TBC1D4: variants seen among roughly 807,000 people sequenced by gnomAD.
TBC1D4 encodes TBC (Tre-2, BUB2, CDC16) domain-containing protein.
Under a neutral mutation model 142.5 loss-of-function variants are expected in TBC1D4, and 121 were observed. The observed-to-expected ratio is 0.85, with a 90% CI of 0.73 to 0.99. The LOEUF is 0.99. TBC1D4 is among the 50% of genes least tolerant of loss of function. The pLI, the probability that TBC1D4 is intolerant of heterozygous loss-of-function variation, is 0.00. For missense variants in TBC1D4, 1,475 were observed against 1,606.6 expected (o/e 0.92, Z 1.40); for synonymous variants, 630 against 628.2 (o/e 1.00, Z -0.04).
At chr13:75,335,702 T>C (rs1431504591) in intron 8 of TBC1D4, among the ~76,000 whole-genome samples, 1 of 152,012 alleles carries the variant, frequency 6.6e-6, no homozygotes, top group African/African-American at 2.4e-5. Flanking sequence ...CACCTCCTCA[T>C]TCTCTCTCTC....
chr13:75,457,085 T>C (rs1281666791), intron 1 of TBC1D4, among the ~76,000 whole-genome samples: 2 of 152,014 alleles, frequency 1.3e-5, no homozygotes, highest in East Asian at 3.9e-4. Context: ...GCAAAAGTCA[T>C]CTATGATGAC....
chr13:75,359,661 A>T, intron 3 of TBC1D4, 108 bp downstream of exon 3: 1 of 897,574 alleles, frequency 1.1e-6, no homozygotes, highest in Non-Finnish European at 1.7e-6. Flanking sequence ...TAAAAATTTA[A>T]ATTTCAAAAA....
At chr13:75,372,848 A>T (rs1883294502) in intron 1 of TBC1D4, among the ~76,000 whole-genome samples, 1 of 152,206 alleles carries the variant, frequency 6.6e-6, no homozygotes, top group South Asian at 2.1e-4. Flanking sequence ...GACTGAAAAA[A>T]TTTGAATACA....
At chr13:75,377,098 C>T (rs2138236484) in intron 1 of TBC1D4, among the ~76,000 whole-genome samples, 1 of 152,294 alleles carries the variant, frequency 6.6e-6, no homozygotes, top group East Asian at 1.9e-4. Context: ...AAAGTGTGAA[C>T]ATCAAGTCTT....
chr13:75,427,177 T>G (rs1886409991), intron 1 of TBC1D4, among the ~76,000 whole-genome samples: 1 of 151,748 alleles, frequency 6.6e-6, no homozygotes, highest in Middle Eastern at 3.4e-3. Context: ...AAGCTCCGCC[T>G]CCCAGGTTCA....
chr13:75,332,735 G>A (rs768315244), intron 8 of TBC1D4, among the ~76,000 whole-genome samples: 1 of 152,188 alleles, frequency 6.6e-6, no homozygotes, highest in Non-Finnish European at 1.5e-5. Context: ...TCTTTTCTGA[G>A]ATTCAGTTTT....
Position 75,356,137 on chromosome 13 carries a change from C to T in TBC1D4, c.1275+10G>A, listed in dbSNP as rs1410325473. Reference sequence around the variant, plus strand: ...CGCAGGAGCAGGCAGACAGCAATAACACTACTTACCAGAGATTCGCTGGCA... The same window carrying T: ...CGCAGGAGCAGGCAGACAGCAATAATACTACTTACCAGAGATTCGCTGGCA... On this transcript the variant is annotated intron_variant, in intron 4 of 20. Coordinates refer to ENST00000377636, the MANE Select transcript of TBC1D4 (RefSeq NM_014832.5). The T allele has an allele frequency of 1.2e-6, 2 of 1,605,284 alleles. No individual in the cohort carries two copies.
At chr13:75,360,456 A>C (rs1224263144) in intron 2 of TBC1D4, among the ~76,000 whole-genome samples, 1 of 152,144 alleles carries the variant, frequency 6.6e-6, no homozygotes, top group Admixed American at 6.5e-5. Context: ...AAAAATATGA[A>C]CTTCCAGGGG....
chr13:75,327,847 T>C (rs1317769589), intron 8 of TBC1D4, 21 bp from the exon 9 acceptor site: 4 of 1,612,766 alleles, frequency 2.5e-6, no homozygotes, highest in Non-Finnish European at 2.5e-6. Flanking sequence ...AGAATAAAAT[T>C]AAGTGCTTCG....
chr13:75,351,882 G>T (rs1195156662), intron 4 of TBC1D4, among the ~76,000 whole-genome samples: 1 of 152,082 alleles, frequency 6.6e-6, no homozygotes, highest in East Asian at 1.9e-4. Flanking sequence ...TAACAACCAG[G>T]TCTACTTCAA....
At chr13:75,390,141 C>T (rs986473906) in intron 1 of TBC1D4, among the ~76,000 whole-genome samples, 1 of 151,596 alleles carries the variant, frequency 6.6e-6, no homozygotes, top group African/African-American at 2.4e-5. Flanking sequence ...TTAGCTGGGC[C>T]TGGCGGCGGG....
chr13:75,441,327 A>T (rs540660453), intron 1 of TBC1D4, among the ~76,000 whole-genome samples: 169 of 152,136 alleles, frequency 1.1e-3, no homozygotes, highest in African/African-American at 2.9e-3. Context: ...GAATTCTATT[A>T]AAAAAACATG....
At position 75,481,172 on chromosome 13, in the gene TBC1D4, C is replaced by T. The variant is rs1888849125; in HGVS notation, c.498+98G>A. ...GGAGCGCGCGCGCCTGCAGCCAAAC[C>T]TCAGTCGGTCCTTAAAGTGGGGTCC... On this transcript the variant is annotated intron_variant, in intron 1 of 20. Transcript: ENST00000377636. 11 of 1,477,840 alleles carry T rather than the reference C, an allele frequency of 7.4e-6. No homozygotes were observed. In the South Asian group the frequency reaches 1.3e-4, roughly 18 times the overall value. 91.5% of individuals were successfully genotyped at this position (1,477,840 alleles called of 1,614,324 possible). A position where few individuals can be genotyped will look rare whatever the true frequency, so the allele number is the denominator to read the frequency against.
intron 12 of TBC1D4, among the ~76,000 whole-genome samples, chr13:75,318,479 C>T (rs1175419968): frequency 2.6e-5 from 4 of 152,082 alleles, no homozygotes; most frequent in Non-Finnish European, 5.9e-5. Flanking sequence ...ACTATTGAAC[C>T]GAAAGCTGAA....
In TBC1D4 at chr13:75,309,038, A is replaced by G. The variant is rs148495690; in HGVS notation, c.2593+904T>C. On this transcript the variant is annotated intron_variant, in intron 14 of 20. Coordinates refer to ENST00000377636, the MANE Select transcript of TBC1D4 (RefSeq NM_014832.5). ...AAAGCTGTATGAAAGACCACAAAAT[A>G]AAGGCAAGTGAGAGAAATATCTAAA... is the stretch of plus-strand genomic sequence containing the variant. Among the ~76,000 whole-genome samples, 28 of 152,318 alleles carry G rather than the reference A, an allele frequency of 1.8e-4. No homozygotes were observed. The East Asian group carries it at 4.6e-3, about 25-fold the overall frequency.
chr13:75,287,761 A>T (rs1874845951), intron 20 of TBC1D4, among the ~76,000 whole-genome samples: 1 of 152,168 alleles, frequency 6.6e-6, no homozygotes, highest in Non-Finnish European at 1.5e-5. Flanking sequence ...TACTTTAGAG[A>T]TCCCTCATTT....
At chr13:75,455,751 A>G (rs1887706969) in intron 1 of TBC1D4, among the ~76,000 whole-genome samples, 1 of 152,286 alleles carries the variant, frequency 6.6e-6, no homozygotes, top group East Asian at 1.9e-4. Flanking sequence ...GGTATGATAT[A>G]GTCAAAAAAC....
intron 1 of TBC1D4, among the ~76,000 whole-genome samples, chr13:75,386,658 G>A (rs1003550184): frequency 2.0e-5 from 3 of 151,956 alleles, no homozygotes; most frequent in Non-Finnish European, 4.4e-5. Context: ...AAAGTGCTGG[G>A]ATTCAGATTT....
At chr13:75,459,948 C>T (rs766479235) in intron 1 of TBC1D4, among the ~76,000 whole-genome samples, 8 of 152,166 alleles carry the variant, frequency 5.3e-5, no homozygotes, top group South Asian at 2.1e-4. Flanking sequence ...CAAGACCATC[C>T]TGGGTAACAT....
Sources: allele counts gnomAD v4.1 joint callset (sites outside exome capture counted in the v4.1 genomes callset), GRCh38; gene constraint gnomAD v4.1.1; transcripts MANE v1.5; gene names NCBI Gene and HGNC (gene_info 2026-07-23, HGNC 2026-07-21).